The following PDE12 variants were observed in gnomAD, a reference collection of about 807,000 sequenced individuals.
PDE12 encodes the protein phosphodiesterase 12, also known as 2',5'-phosphodiesterase 12.
In PDE12, 26 loss-of-function variants were observed where a neutral mutation model predicts 45.4. The observed-to-expected ratio is 0.57, with a 90% CI of 0.42 to 0.79. PDE12 has a LOEUF of 0.79. PDE12 is among the 30% of genes least tolerant of loss of function. The pLI, the probability that PDE12 is intolerant of heterozygous loss-of-function variation, is 0.00. For synonymous variants in PDE12, 283 were observed against 323.9 expected (o/e 0.87, Z 1.36); for missense variants, 668 against 790.0 (o/e 0.85, Z 1.85).
chr3:57,601,960 G>C, the PDE12 span, among the ~76,000 whole-genome samples: 1 of 147,890 alleles, frequency 6.8e-6, no homozygotes, highest in African/African-American at 2.5e-5. Flanking sequence ...TCACTGTGTT[G>C]ACCAGGCTGG....
In PDE12 at chr3:57,559,897, G is replaced by T; in HGVS notation, c.1723G>T (p.Val575Leu). 1 of 1,614,148 alleles carries T rather than the reference G, an allele frequency of 6.2e-7. No individual in the cohort carries two copies. Among genetic ancestry groups the T allele is most frequent in the Non-Finnish European group, 8.5e-7 (1 of 1,180,052 alleles). Residue 575 changes from valine (V) to leucine (L), a missense_variant, in exon 3 of 3, where the codon GTG (valine) becomes TTG (leucine). Transcript: ENST00000311180. ...CTTAAATGCTTTAGAGGTTGAACAG[G>T]TGATTCCATTACCTAGTCATGAAGA... Reference protein sequence around the residue: ...IDLNALEVEQVIPLPSHEEVT... With the variant: ...IDLNALEVEQLIPLPSHEEVT...
chr3:57,561,235 A>G lies in PDE12; in HGVS notation c.*1231A>G. The G allele has an allele frequency of 1.0e-6, 1 of 985,200 alleles. No homozygotes were observed. The highest frequency in any genetic ancestry group is 1.2e-6 in the Non-Finnish European group (1 of 829,336). 61.0% of individuals were successfully genotyped at this position (985,200 alleles called of 1,614,324 possible). On this transcript the variant is annotated 3_prime_UTR_variant, in exon 3 of 3. Transcript: ENST00000311180. ...CACATTACTTTATGAGAAACTACCT[A>G]CTGATATGGGCTTGAAATTTTGGAT...
At chr3:57,596,753 G>A in the PDE12 span, 4 of 317,016 alleles carry the variant, frequency 1.3e-5, 1 homozygote, top group East Asian at 1.5e-4. Context: ...GCCTCGCCAA[G>A]TGTTTGCTTC....
the PDE12 span, among the ~76,000 whole-genome samples, chr3:57,590,135 A>AT: frequency 1.2e-4 from 17 of 142,908 alleles, no homozygotes; most frequent in South Asian, 1.9e-3. Flanking sequence ...AAATAAATAA[A>AT]ACAAAAAACA....
chr3:57,578,681 C>T, the PDE12 span, among the ~76,000 whole-genome samples: 4 of 152,012 alleles, frequency 2.6e-5, no homozygotes, highest in Admixed American at 6.6e-5. Flanking sequence ...GGTTTCACCA[C>T]GTTGCCCATG....
the PDE12 span, among the ~76,000 whole-genome samples, chr3:57,612,897 C>T: frequency 2.6e-5 from 4 of 152,020 alleles, no homozygotes; most frequent in South Asian, 2.1e-4. Context: ...TCTATAATTA[C>T]GTTAATGAAA....
chr3:57,618,754 G>A, the PDE12 span, among the ~76,000 whole-genome samples: 7 of 151,104 alleles, frequency 4.6e-5, no homozygotes, highest in Admixed American at 1.3e-4. Flanking sequence ...GATTACAGGC[G>A]TGCACCACCA....
chr3:57,613,066 C>T, the PDE12 span, among the ~76,000 whole-genome samples: 1 of 147,378 alleles, frequency 6.8e-6, no homozygotes, highest in African/African-American at 2.5e-5. Flanking sequence ...CTGCAGCCTC[C>T]ACCTCCCGGG....
the PDE12 span, chr3:57,584,069 G>T: frequency 8.6e-7 from 1 of 1,164,452 alleles, no homozygotes; most frequent in Non-Finnish European, 1.3e-6. Context: ...ACCTTTTATT[G>T]TGGAATTTTC....
chr3:57,584,384 C>A, the PDE12 span: 1 of 1,604,980 alleles, frequency 6.2e-7, no homozygotes, highest in Non-Finnish European at 8.5e-7. Context: ...ACTTTCTTAC[C>A]AATGGTAGGA....
At chr3:57,573,938 T>C in the PDE12 span, among the ~76,000 whole-genome samples, 2 of 151,496 alleles carry the variant, frequency 1.3e-5, no homozygotes, top group African/African-American at 4.8e-5. Context: ...AGGTTGTTTT[T>C]TTTTGTTTGT....
At chr3:57,624,741 G>A in the PDE12 span, among the ~76,000 whole-genome samples, 1 of 151,352 alleles carries the variant, frequency 6.6e-6, no homozygotes, top group African/African-American at 2.4e-5. Flanking sequence ...TCCAACCTGG[G>A]TGACAGTGCA....
chr3:57,596,171 T>TA, the PDE12 span, among the ~76,000 whole-genome samples: 1 of 152,040 alleles, frequency 6.6e-6, no homozygotes, highest in African/African-American at 2.4e-5. Context: ...ACACGCCCCC[T>TA]AAAAAGTAGT....
chr3:57,628,257 G>T, the PDE12 span: 1 of 1,613,974 alleles, frequency 6.2e-7, no homozygotes, highest in Non-Finnish European at 8.5e-7. Context: ...CAAGTCCTCT[G>T]GCAATGCTAA....
At chr3:57,634,452 G>C in the PDE12 span, 8 of 512,554 alleles carry the variant, frequency 1.6e-5, no homozygotes, top group African/African-American at 1.6e-4. Context: ...AAAAAAAAAA[G>C]GAGAGATCCT....
the PDE12 span, chr3:57,645,859 CTTTG>C: frequency 2.6e-5 from 19 of 735,266 alleles, no homozygotes; most frequent in African/African-American, 3.3e-4. Context: ...CAAAGGGATA[CTTTG>C]TTTATTTTAA....
At chr3:57,591,220 A>G in the PDE12 span, among the ~76,000 whole-genome samples, 1 of 152,126 alleles carries the variant, frequency 6.6e-6, no homozygotes, top group Admixed American at 6.6e-5. Context: ...AGTATTTATC[A>G]GAGAATTTAA....
At chr3:57,576,972 T>C in the PDE12 span, among the ~76,000 whole-genome samples, 1 of 152,092 alleles carries the variant, frequency 6.6e-6, no homozygotes, top group Non-Finnish European at 1.5e-5. Flanking sequence ...CACTATAGAT[T>C]TGATATCTGT....
downstream of PDE12, among the ~76,000 whole-genome samples, chr3:57,570,871 T>G (rs1323111987): frequency 6.6e-6 from 1 of 152,182 alleles, no homozygotes; most frequent in Non-Finnish European, 1.5e-5. Flanking sequence ...TAATTAACCT[T>G]AACTAAAAAA....
Sources: gnomAD v4.1 joint callset for allele counts (sites outside exome capture counted in the v4.1 genomes callset) on GRCh38, gnomAD v4.1.1 for gene constraint, MANE v1.5 for transcripts, NCBI Gene and HGNC (gene_info 2026-07-23, HGNC 2026-07-21) for gene names.